Variants in OPA1 observed in about 807,000 individuals in gnomAD.
OPA1 encodes dynamin-like GTPase OPA1, mitochondrial.
Under a neutral mutation model 152.9 loss-of-function variants are expected in OPA1, and 59 were observed. That is an observed-to-expected ratio of 0.39 (90% CI 0.31 to 0.48). The LOEUF (loss-of-function observed/expected upper bound fraction) is 0.48. OPA1 is among the 20% of genes least tolerant of loss of function. The probability of loss-of-function intolerance (pLI) is 0.96; values close to 1 mark genes in which losing one functional copy is unlikely to be tolerated. For missense variants in OPA1, 1,008 were observed against 1,216.8 expected (o/e 0.83, Z 2.55); for synonymous variants, 400 against 389.9 (o/e 1.03, Z -0.31).
At chr3:193,598,976 G>A (rs1281580073) in intron 1 of OPA1, among the ~76,000 whole-genome samples, 1 of 152,144 alleles carries the variant, frequency 6.6e-6, no homozygotes, top group Non-Finnish European at 1.5e-5. Flanking sequence ...GATAACATGG[G>A]TCACGCTGGA....
Position 193,626,168 on chromosome 3 carries a change from A to C in OPA1, c.755A>C (p.Gln252Pro), listed in dbSNP as rs1427041733. Residue 252 changes from glutamine to proline, a missense_variant, in exon 7 of 31, where the codon CAA becomes CCA. Physicochemically the swap from Gln to Pro is moderately conservative, Grantham distance 76 (BLOSUM62 -1). Coordinates refer to ENST00000361510, the MANE Select transcript of OPA1 (RefSeq NM_130837.3). ...HEEEARRAAG[Q>P]YSTSYAQQKR... is the part of the protein sequence containing the mutation. ...GAGGAAGCGCGCAGAGCCGCTGGCC[A>C]ATATAGCACGAGCTATGCCCAACAG... The C allele has an allele frequency of 2.5e-6, 4 of 1,614,018 alleles. No individual in the cohort carries two copies. The highest frequency in any genetic ancestry group is 2.5e-6 in the Non-Finnish European group (3 of 1,179,980).
At chr3:193,642,675 G>T (rs1733964257) in intron 11 of OPA1, 90 bp from the exon 12 acceptor site, 1 of 947,258 alleles carries the variant, frequency 1.1e-6, no homozygotes, top group Admixed American at 1.7e-5. Context: ...TTTGTGCAAT[G>T]CAGTAGCCCT....
rs1256525362 is a variant in OPA1, at chr3:193,648,071, A to T, written c.1872A>T (p.Ala624=). 1 of 1,612,842 alleles carries T rather than the reference A, an allele frequency of 6.2e-7. No homozygotes were observed. The highest frequency in any genetic ancestry group is 8.5e-7 in the Non-Finnish European group (1 of 1,178,852). Residue 624 remains alanine, a splice_region_variant and synonymous_variant, in exon 20 of 31, where the codon GCA becomes GCT. Coordinates refer to ENST00000361510, the MANE Select transcript of OPA1 (RefSeq NM_130837.3). ...SVEQQADSFK[A]TRFNLETEWK... ...CTTGAACTTTTCCTTCTTCCTCAGCAACACGTTTTAACCTTGAAACTGAAT... is the reference window on the plus strand; with the variant it reads ...CTTGAACTTTTCCTTCTTCCTCAGCTACACGTTTTAACCTTGAAACTGAAT...
Position 193,664,959 on chromosome 3 carries a change from G to T in OPA1, c.2741G>T (p.Gly914Val), listed in dbSNP as rs893422727. ...AACCATTGTAACCTTTGTCGAAGAG[G>T]TTTTTATTACTACCAAAGGCATTTT... The part of the protein sequence containing the change: ...ALNHCNLCRR[G>V]FYYYQRHFVD... The change falls in exon 27 of 31, where the codon GGT becomes GTT. Residue 914 changes from glycine to valine, a missense_variant. By Grantham distance (109) the Gly-to-Val change is moderately radical. Around this residue, in one of 7 missense-constraint regions of OPA1, gnomAD observed 137 missense variants for 171.0 expected, o/e 0.80. Transcript: ENST00000361510. The T allele has an allele frequency of 6.2e-7, 1 of 1,607,222 alleles. No individual in the cohort carries two copies. The highest frequency in any genetic ancestry group is 1.3e-5 in the African/African-American group (1 of 74,734).
intron 1 of OPA1, among the ~76,000 whole-genome samples, chr3:193,609,028 CT>C (rs1727742565): frequency 6.6e-6 from 1 of 152,064 alleles, no homozygotes; most frequent in Non-Finnish European, 1.5e-5. Flanking sequence ...ATTGAAACCC[CT>C]GCCTTTTTTT....
At position 193,632,731 on chromosome 3, in the gene OPA1, G is replaced by A. The variant is rs571744181; in HGVS notation, c.843+1066G>A. On this transcript the variant is annotated intron_variant, in intron 8 of 30. Transcript: ENST00000361510. ...AAAAATTTTTTTAAAAATTAGCCAG[G>A]TGTGGTGGTTGTGCCTGTAGTCCCA... Among the ~76,000 whole-genome samples the A allele has an allele frequency of 8.6e-5, 13 of 151,884 alleles. No individual in the cohort carries two copies. In the East Asian group the frequency reaches 2.5e-3, roughly 30 times the overall value.
chr3:193,617,702 A>G (rs1729282866), intron 4 of OPA1, 82 bp from the exon 5 acceptor site: 2 of 1,031,096 alleles, frequency 1.9e-6, no homozygotes, highest in African/African-American at 3.1e-5. Flanking sequence ...CGTAATATGA[A>G]ATCTGAGATC....
chr3:193,598,047 C>G (rs1054023514), intron 1 of OPA1, among the ~76,000 whole-genome samples: 1 of 152,174 alleles, frequency 6.6e-6, no homozygotes, highest in African/African-American at 2.4e-5. Flanking sequence ...TGCCATTGCA[C>G]TCCACGTTGG....
chr3:193,688,615 TA>T (rs1342672938), intron 29 of OPA1, among the ~76,000 whole-genome samples: 1 of 151,812 alleles, frequency 6.6e-6, no homozygotes, highest in Admixed American at 6.6e-5. Context: ...AGGTAATACT[TA>T]AAAAAGACCA....
intron 22 of OPA1, among the ~76,000 whole-genome samples, chr3:193,655,228 G>C (rs1417949755): frequency 6.6e-6 from 1 of 152,082 alleles, no homozygotes; most frequent in Non-Finnish European, 1.5e-5. Flanking sequence ...TTTACTAATT[G>C]GTATGATGTT....
intron 1 of OPA1, among the ~76,000 whole-genome samples, chr3:193,597,795 A>C (rs1725848265): frequency 6.6e-6 from 1 of 151,800 alleles, no homozygotes; most frequent in Non-Finnish European, 1.5e-5. Context: ...CCCTTTTAAG[A>C]TGAGACATAG....
At position 193,692,067 on chromosome 3, in the gene OPA1, A is replaced by G; in HGVS notation, c.2988A>G (p.Lys996=). 6.6e-7 allele frequency: 1 copy of G among 1,515,274 alleles called. No individual in the cohort carries two copies. Among genetic ancestry groups the G allele is most frequent in the Non-Finnish European group, 9.1e-7 (1 of 1,103,154 alleles). The allele number at this position is 1,515,274 out of a possible 1,614,324, so 93.9% of individuals were successfully genotyped here. Residue 996 remains lysine (K), a synonymous_variant, in exon 30 of 31, where the codon AAA becomes AAG. Coordinates refer to ENST00000361510, the MANE Select transcript of OPA1 (RefSeq NM_130837.3). ...TCTTTATTTTTATCTCCACAGAGAA[A>G]GTTAGAGAAATTCAAGAAAAACTTG... ...KRVQLAEDLK[K]VREIQEKLDA...
At chr3:193,668,400 C>G (rs1717141588) in intron 29 of OPA1, 1 of 1,551,232 alleles carries the variant, frequency 6.4e-7, no homozygotes, top group Admixed American at 2.0e-5. Context: ...CTTCTTTTAC[C>G]TTGTCTGGGC....
intron 11 of OPA1, among the ~76,000 whole-genome samples, chr3:193,639,119 G>A (rs1733374361): frequency 6.6e-6 from 1 of 152,074 alleles, no homozygotes; most frequent in Admixed American, 6.6e-5. Context: ...ATTTCTCCAG[G>A]GTCACAGGAA....
chr3:193,655,033 G>A lies in OPA1; in HGVS notation c.2178+6G>A. On this transcript the variant is annotated splice_donor_region_variant and intron_variant, in intron 22 of 30. Coordinates refer to ENST00000361510, the MANE Select transcript of OPA1 (RefSeq NM_130837.3). The stretch of plus-strand genomic sequence containing the variant: ...TTCCTAATAAAGCAGTAGAGGTTAG[G>A]ATATAATTTAATTAAATGGGTAAGA... 1 of 1,612,694 alleles carries A rather than the reference G, an allele frequency of 6.2e-7. No individual in the cohort carries two copies. The highest frequency in any genetic ancestry group is 8.5e-7 in the Non-Finnish European group (1 of 1,178,934).
intron 25 of OPA1, among the ~76,000 whole-genome samples, chr3:193,659,769 A>C (rs542012229): frequency 3.9e-5 from 6 of 152,314 alleles, no homozygotes; most frequent in African/African-American, 1.4e-4. Context: ...ATGTTGTTAA[A>C]AGACAAGAGA....
chr3:193,621,168 G>C (rs1016513228), intron 6 of OPA1, among the ~76,000 whole-genome samples: 14 of 152,320 alleles, frequency 9.2e-5, no homozygotes, highest in African/African-American at 3.4e-4. Flanking sequence ...ATGTGAATCA[G>C]CTTTTTAAAA....
intron 3 of OPA1, among the ~76,000 whole-genome samples, 168 bp from the exon 4 acceptor site, chr3:193,617,010 C>A (rs138335473): frequency 1.1e-3 from 166 of 152,354 alleles, no homozygotes; most frequent in Non-Finnish European, 2.0e-3. Context: ...GGCTCCTCCA[C>A]TTCCTTGCTG....
At chr3:193,636,605 A>C (rs1296129979) in intron 9 of OPA1, among the ~76,000 whole-genome samples, 1 of 151,934 alleles carries the variant, frequency 6.6e-6, no homozygotes, top group Non-Finnish European at 1.5e-5. Flanking sequence ...CACGCAATGC[A>C]AGGCACCACA....
Sources: gnomAD v4.1 joint callset for allele counts (sites outside exome capture counted in the v4.1 genomes callset) on GRCh38, gnomAD v4.1.1 for gene constraint, gnomAD v4.1.1 regional missense constraint, MANE v1.5 for transcripts, NCBI Gene and HGNC (gene_info 2026-07-23, HGNC 2026-07-21) for gene names.